GSE1: variants seen among roughly 807,000 people sequenced by gnomAD.
GSE1 encodes genetic suppressor element 1.
In GSE1, 32 loss-of-function variants were observed where a neutral mutation model predicts 112.6. The ratio of observed to expected loss-of-function variants is 0.28; its 90% CI spans 0.21 to 0.38. The LOEUF is 0.38. GSE1 is among the 10% of genes least tolerant of loss of function. The pLI is 1.00. For synonymous variants in GSE1, 1,115 were observed against 735.6 expected (o/e 1.52, Z -8.35); for missense variants, 2,348 against 1,699.2 (o/e 1.38, Z -6.71).
intron 2 of GSE1, among the ~76,000 whole-genome samples, chr16:85,417,680 G>A (rs549941753): frequency 6.6e-6 from 1 of 152,336 alleles, no homozygotes; most frequent in South Asian, 2.1e-4. Flanking sequence ...TGGGAGAGGA[G>A]GGGGCGCTGG....
chr16:85,637,599 T>A (rs560963596), intron 2 of GSE1, among the ~76,000 whole-genome samples: 25 of 152,176 alleles, frequency 1.6e-4, no homozygotes, highest in Non-Finnish European at 3.1e-4. Context: ...CTCGCTGTGC[T>A]TCTCACACAC....
chr16:85,351,286 G>C (rs1158770204), intron 1 of GSE1, among the ~76,000 whole-genome samples: 1 of 152,174 alleles, frequency 6.6e-6, no homozygotes, highest in Non-Finnish European at 1.5e-5. Flanking sequence ...GCAGCCCCTG[G>C]GCTGCTGTGG....
intron 3 of GSE1, among the ~76,000 whole-genome samples, chr16:85,649,278 G>T (rs2051136481): frequency 1.3e-5 from 2 of 152,180 alleles, no homozygotes; most frequent in African/African-American, 2.4e-5. Context: ...CTCTAACACG[G>T]ATTTGGGCGG....
At position 85,634,259 on chromosome 16, in the gene GSE1, A is replaced by G. The variant is rs1158139052; in HGVS notation, c.226+127A>G. 7.6e-4 allele frequency: 502 copies of G among 657,302 alleles called. 1 individual carries two copies. The East Asian group carries it at 0.015, about 20-fold the overall frequency. The allele number at this position is 657,302 out of a possible 1,614,324, so 40.7% of individuals were successfully genotyped here. ...TTCCCACGCCGTGTGCTCTGCATGG[A>G]GCAGGCAGTGCTGGCTGAGCTACAG... On this transcript the variant is annotated intron_variant, in intron 2 of 15. Transcript: ENST00000253458.
chr16:85,310,293 C>T (rs1041154541), intron 1 of GSE1, among the ~76,000 whole-genome samples: 22 of 152,294 alleles, frequency 1.4e-4, no homozygotes, highest in Middle Eastern at 3.4e-3. Context: ...TGGGAACAGT[C>T]GCTGTGGCCA....
chr16:85,476,993 C>G (rs1470769186), intron 2 of GSE1, among the ~76,000 whole-genome samples: 1 of 143,298 alleles, frequency 7.0e-6, no homozygotes, highest in Non-Finnish European at 1.5e-5. Flanking sequence ...GGTGTGATCT[C>G]TACTAACTGC....
At chr16:85,437,202 C>G (rs2049268618) in intron 2 of GSE1, among the ~76,000 whole-genome samples, 2 of 152,176 alleles carry the variant, frequency 1.3e-5, no homozygotes, top group African/African-American at 2.4e-5. Flanking sequence ...CTGCGGACGC[C>G]TCCGCCGCCG....
intron 1 of GSE1, among the ~76,000 whole-genome samples, chr16:85,249,337 T>C (rs1011347450): frequency 4.6e-5 from 7 of 152,196 alleles, no homozygotes; most frequent in African/African-American, 1.7e-4. Flanking sequence ...GAAGGGGGCA[T>C]GGGGCCCAGG....
At chr16:85,286,909 G>T (rs2045047333) in intron 1 of GSE1, among the ~76,000 whole-genome samples, 1 of 152,246 alleles carries the variant, frequency 6.6e-6, no homozygotes, top group African/African-American at 2.4e-5. Context: ...GCTAGGGCCG[G>T]GTCGGAAGCA....
At chr16:85,497,558 T>C (rs1319687577) in intron 2 of GSE1, among the ~76,000 whole-genome samples, 1 of 152,190 alleles carries the variant, frequency 6.6e-6, no homozygotes, top group Non-Finnish European at 1.5e-5. Flanking sequence ...TGGGAACCTA[T>C]TTTTCTCCTA....
chr16:85,594,218 C>T (rs1184654503), intron 1 of GSE1: 1 of 80,426 alleles, frequency 1.2e-5, no homozygotes, highest in Non-Finnish European at 2.3e-5. Context: ...GGCCTGGGCC[C>T]GATCCCTGGG....
chr16:85,573,267 G>A (rs1251982862), intron 1 of GSE1, among the ~76,000 whole-genome samples: 1 of 152,118 alleles, frequency 6.6e-6, no homozygotes, highest in Non-Finnish European at 1.5e-5. Context: ...CGGTGACTAC[G>A]GGTGCGCTGC....
chr16:85,468,783 C>A (rs2050198641), intron 2 of GSE1, among the ~76,000 whole-genome samples: 2 of 152,188 alleles, frequency 1.3e-5, no homozygotes, highest in African/African-American at 4.8e-5. Context: ...AGAGTATGAG[C>A]TGGAAGAAGA....
At chr16:85,472,054 G>A (rs1047840078) in intron 2 of GSE1, among the ~76,000 whole-genome samples, 5 of 152,186 alleles carry the variant, frequency 3.3e-5, no homozygotes, top group African/African-American at 7.2e-5. Context: ...CTCTGCTCAC[G>A]AGATACCAGT....
chr16:85,372,784 C>T (rs2151601608), intron 2 of GSE1, among the ~76,000 whole-genome samples: 1 of 152,240 alleles, frequency 6.6e-6, no homozygotes, highest in South Asian at 2.1e-4. Flanking sequence ...TACCAAGGTT[C>T]TTCACCACCC....
intron 2 of GSE1, among the ~76,000 whole-genome samples, chr16:85,369,975 G>A (rs184705144): frequency 1.2e-4 from 18 of 152,314 alleles, no homozygotes; most frequent in Non-Finnish European, 2.5e-4. Flanking sequence ...TTGGGAACAC[G>A]GGGCTGATGA....
chr16:85,336,979 T>C (rs4783168), intron 1 of GSE1, among the ~76,000 whole-genome samples: 121,931 of 152,096 alleles, frequency 0.8, 49,202 homozygotes, highest in East Asian at 1. Context: ...CACATATACA[T>C]GGGCACACAC....
chr16:85,444,193 C>G (rs1389566760), intron 2 of GSE1, among the ~76,000 whole-genome samples: 1 of 152,062 alleles, frequency 6.6e-6, no homozygotes, highest in Admixed American at 6.5e-5. Flanking sequence ...ACCATGTCGG[C>G]CAGGATGGTC....
At chr16:85,357,289 G>A (rs529170392) in intron 1 of GSE1, among the ~76,000 whole-genome samples, 2 of 152,316 alleles carry the variant, frequency 1.3e-5, no homozygotes, top group Non-Finnish European at 2.9e-5. Flanking sequence ...CACTGGCACT[G>A]GCCTTACTGA....
Sources: allele counts gnomAD v4.1 joint callset (sites outside exome capture counted in the v4.1 genomes callset), GRCh38; gene constraint gnomAD v4.1.1; transcripts MANE v1.5; gene names NCBI Gene and HGNC (gene_info 2026-07-23, HGNC 2026-07-21).